Variants in WDR90 observed in about 807,000 individuals in gnomAD.
WDR90 encodes WD repeat-containing protein 90.
WDR90 carries 238 observed loss-of-function variants against 195.2 expected under a neutral mutation model. The observed-to-expected ratio is 1.22, with a 90% CI of 1.10 to 1.36. The LOEUF is 1.36. Ranked by LOEUF, WDR90 falls within the 40% of genes most tolerant of loss-of-function variation. The pLI is 0.00. For missense variants in WDR90, 2,734 were observed against 2,439.5 expected, an observed-to-expected ratio of 1.12 and a Z score of -2.54; for synonymous variants, 1,265 against 1,052.4, an observed-to-expected ratio of 1.20 and a Z score of -3.91.
rs777730077 is a variant in WDR90 at position 666,797 on chromosome 16, A to C, written c.5004+5A>C. On this transcript the variant is annotated splice_donor_5th_base_variant and intron_variant, in intron 39 of 40. Transcript: ENST00000293879. ...TACAACCTCTGCCAGAAGCAGGTAC[A>C]CGCAGCTGCCCGCGTGTCACTGGGA... The C allele has an allele frequency of 6.2e-7, 1 of 1,612,694 alleles. No homozygotes were observed. Among genetic ancestry groups the C allele is most frequent in the East Asian group, 2.2e-5 (1 of 44,868 alleles).
In WDR90 at chr16:661,685, T is replaced by C. The variant is rs775680871; in HGVS notation, c.3762T>C (p.Gly1254=). Residue 1254 remains glycine, a synonymous_variant, in exon 31 of 41, where the codon GGT becomes GGC. Transcript: ENST00000293879. ...CCCGCCTCCCGGAGCCGGTGCATGG[T>C]GTGGCCTTCAACCCCTGGGACGCCG... ...SSTRLPEPVH[G]VAFNPWDAGE... 2 of 1,612,350 alleles carry C rather than the reference T, an allele frequency of 1.2e-6. No homozygotes were observed. The highest frequency in any genetic ancestry group is 1.7e-5 in the Admixed American group (1 of 59,976).
chr16:660,274 G>C (rs1033701403), intron 27 of WDR90, 113 bp downstream of exon 27: 13 of 1,001,280 alleles, frequency 1.3e-5, no homozygotes, highest in Admixed American at 1.2e-4. Context: ...TGATGGCTCT[G>C]GCCCTTGGGC....
At position 653,872 on chromosome 16, in the gene WDR90, G is replaced by A. The variant is rs995007852; in HGVS notation, c.1437+69G>A. ...GCACGCAGACAGCTGGAAGGGTCTT[G>A]GTTTTCTGAAACTCCAGCTTCATGT... On this transcript the variant is annotated intron_variant, in intron 13 of 40. Transcript: ENST00000293879. 35 of 1,573,668 alleles carry A rather than the reference G, an allele frequency of 2.2e-5. No individual in the cohort carries two copies. In the African/African-American group the frequency reaches 4.3e-4, roughly 19 times the overall value.
At chr16:654,558 T>G (rs1057023373) in intron 13 of WDR90, 1 of 156,322 alleles carries the variant, frequency 6.4e-6, no homozygotes, top group Non-Finnish European at 1.4e-5. Flanking sequence ...TTTTTTTTTT[T>G]TGTATTTTTA....
At chr16:658,152 C>G (rs2037801081) in intron 21 of WDR90, 31 bp from the exon 22 acceptor site, 3 of 1,593,584 alleles carry the variant, frequency 1.9e-6, no homozygotes, top group Non-Finnish European at 2.6e-6. Flanking sequence ...CCCAGGGGCC[C>G]TGACTGTCGG....
rs1383192909 is a variant in WDR90 at position 650,007 on chromosome 16, G to A, written c.119G>A (p.Gly40Asp). Residue 40 changes from glycine (G) to aspartate (D), a missense_variant, in exon 3 of 41, where the codon GGC becomes GAC. Physicochemically the swap from Gly to Asp is moderately conservative, Grantham distance 94 (BLOSUM62 -1). Coordinates refer to ENST00000293879, the MANE Select transcript of WDR90 (RefSeq NM_145294.5). ...CTTCTCCAGGACAAGACCCTGAAGGGCGCCGTGTATCGCATTCGGGGCTCA... is the reference window on the plus strand; with the variant it reads ...CTTCTCCAGGACAAGACCCTGAAGGACGCCGTGTATCGCATTCGGGGCTCA... ...VAVVTDKTLK[G>D]AVYRIRGSVS... 2.5e-6 allele frequency: 4 copies of A among 1,612,660 alleles called. No individual in the cohort carries two copies. The highest frequency in any genetic ancestry group is 2.7e-5 in the African/African-American group (2 of 74,950).
Position 653,569 on chromosome 16 carries a change from G to T in WDR90, c.1278G>T (p.Ser426=). 1 of 1,613,456 alleles carries T rather than the reference G, an allele frequency of 6.2e-7. No individual in the cohort carries two copies. The highest frequency in any genetic ancestry group is 8.5e-7 in the Non-Finnish European group (1 of 1,179,980). ...ATGGCAGCAGCTCACTATTGGCCTC[G>T]GCCCAGGCAAGGGCCCCTAGTGTGA... The part of the protein sequence containing the change: ...ALDGSSSLLA[S]AQARAPSVMR... The change falls in exon 12 of 41, where the codon TCG becomes TCT. Residue 426 remains serine (S), a synonymous_variant. Coordinates refer to ENST00000293879, the MANE Select transcript of WDR90 (RefSeq NM_145294.5).
In WDR90 at chr16:653,564, G is replaced by A. The variant is rs747006630; in HGVS notation, c.1273G>A (p.Ala425Thr). Residue 425 changes from alanine (A) to threonine (T), a missense_variant, in exon 12 of 41, where the codon GCC (alanine) becomes ACC (threonine). Coordinates refer to ENST00000293879, the MANE Select transcript of WDR90 (RefSeq NM_145294.5). ...GCTGGATGGCAGCAGCTCACTATTG[G>A]CCTCGGCCCAGGCAAGGGCCCCTAG... ...LALDGSSSLL[A>T]SAQARAPSVM... The A allele has an allele frequency of 6.2e-7, 1 of 1,613,482 alleles. No individual in the cohort carries two copies. The highest frequency in any genetic ancestry group is 2.2e-5 in the East Asian group (1 of 44,884).
chr16:653,256 G>A (rs546736103), intron 10 of WDR90, 85 bp from the exon 11 acceptor site: 6 of 1,157,518 alleles, frequency 5.2e-6, no homozygotes, highest in South Asian at 1.6e-5. Context: ...TCCCTGGGCT[G>A]GAGTGGGAGG....
chr16:665,454 T>G, intron 34 of WDR90: 3 of 647,198 alleles, frequency 4.6e-6, no homozygotes, highest in Admixed American at 5.6e-5. Flanking sequence ...TCCCGCCGGG[T>G]TTGACTGGCT....
intron 26 of WDR90, 150 bp downstream of exon 26, chr16:659,526 G>T (rs1248639626): frequency 2.4e-5 from 27 of 1,138,190 alleles, no homozygotes; most frequent in Non-Finnish European, 3.2e-5. Flanking sequence ...CGGGGTGGGG[G>T]CAGCTTTTCC....
chr16:649,083 C>T (rs1054056304), upstream of WDR90: 11 of 301,060 alleles, frequency 3.7e-5, no homozygotes, highest in African/African-American at 2.0e-4. Context: ...TGCTTGCATG[C>T]GGCGGGAGCC....
chr16:650,432 G>A, intron 4 of WDR90, 70 bp downstream of exon 4: 1 of 1,591,210 alleles, frequency 6.3e-7, no homozygotes, highest in Non-Finnish European at 8.6e-7. Flanking sequence ...GCCCAGTGAG[G>A]CTCCTCTGCG....
chr16:652,468 G>A lies in WDR90; in HGVS notation c.1055G>A (p.Gly352Asp). The A allele has an allele frequency of 6.2e-7, 1 of 1,605,824 alleles. No homozygotes were observed. The highest frequency in any genetic ancestry group is 8.5e-7 in the Non-Finnish European group (1 of 1,175,602). ...CTTTGATGCGAATGGCTGTTTCAGG[G>A]CTTCCTCCCAGACCCAGTCCTGAGG... ...VPVARTGSCE[G>D]FLPDPVLRLK... is the part of the protein sequence containing the mutation. The change falls in exon 10 of 41, where the codon GGC becomes GAC. Residue 352 changes from glycine to aspartate, a missense_variant and splice_region_variant. Gly to Asp is a moderately conservative substitution (Grantham distance 94, BLOSUM62 -1). Coordinates refer to ENST00000293879, the MANE Select transcript of WDR90 (RefSeq NM_145294.5).
Position 667,786 on chromosome 16 carries a change from A to G in WDR90, c.*197A>G, listed in dbSNP as rs991328785. The G allele has an allele frequency of 2.9e-5, 21 of 733,660 alleles. No homozygotes were observed. The highest frequency in any genetic ancestry group is 1.4e-4 in the African/African-American group (8 of 56,922). The allele number at this position is 733,660 out of a possible 1,614,324, so 45.4% of individuals were successfully genotyped here. On this transcript the variant is annotated 3_prime_UTR_variant, in exon 41 of 41. Coordinates refer to ENST00000293879, the MANE Select transcript of WDR90 (RefSeq NM_145294.5). ...TACCTGTTGCCCTTTTGCCTAAGAA[A>G]TCTTTAATGTTTCTATCTTGTAATA...
chr16:658,042 G>C (rs146950321), intron 21 of WDR90, 141 bp from the exon 22 acceptor site: 94 of 1,448,266 alleles, frequency 6.5e-5, no homozygotes, highest in Middle Eastern at 4.2e-4. Flanking sequence ...TGGGGCCCAC[G>C]TGCGGCCAGG....
chr16:666,501 G>A lies in WDR90; in HGVS notation c.4787G>A (p.Ser1596Asn). The change falls in exon 38 of 41, where the codon AGT becomes AAT. Residue 1596 changes from serine (S) to asparagine (N), a missense_variant. Ser to Asn is a conservative substitution (Grantham distance 46). Coordinates refer to ENST00000293879, the MANE Select transcript of WDR90 (RefSeq NM_145294.5). ...VEGTDLWLAASGDQRVSVWAS... is the reference protein window; with the variant it reads ...VEGTDLWLAANGDQRVSVWAS... ...GGCACAGACCTATGGCTGGCTGCCAGTGGGGACCAGCGGGTCAGCGTCTGG... is the reference window on the plus strand; with the variant it reads ...GGCACAGACCTATGGCTGGCTGCCAATGGGGACCAGCGGGTCAGCGTCTGG... The A allele has an allele frequency of 6.2e-7, 1 of 1,612,744 alleles. No homozygotes were observed. The highest frequency in any genetic ancestry group is 8.5e-7 in the Non-Finnish European group (1 of 1,179,978).
At chr16:663,586 G>A (rs765337392) in intron 34 of WDR90, 15 of 171,716 alleles carry the variant, frequency 8.7e-5, no homozygotes, top group Admixed American at 1.7e-4. Context: ...CTCTCTCTGG[G>A]TCAGGTCTGT....
chr16:655,208 G>T (rs1567216064), intron 14 of WDR90, 61 bp downstream of exon 14: 1 of 1,612,190 alleles, frequency 6.2e-7, no homozygotes, highest in African/African-American at 1.3e-5. Context: ...GGGGGCCGAG[G>T]CCCGAGCACC....
Sources: allele counts gnomAD v4.1 joint callset, GRCh38; gene constraint gnomAD v4.1.1; transcripts MANE v1.5; gene names NCBI Gene and HGNC (gene_info 2026-07-23, HGNC 2026-07-21).